Variants in CLCN1 observed in about 807,000 individuals in gnomAD.
The protein encoded by CLCN1 is chloride voltage-gated channel 1.
Under a neutral mutation model 114.5 loss-of-function variants are expected in CLCN1, and 100 were observed. The ratio of observed to expected loss-of-function variants is 0.87; its 90% CI spans 0.74 to 1.03. The LOEUF is 1.03. Ranked by LOEUF, CLCN1 falls within the 50% of genes least tolerant of loss-of-function variation. The pLI is 0.00. For missense variants in CLCN1, 1,188 were observed against 1,250.0 expected (o/e 0.95, Z 0.75); for synonymous variants, 485 against 487.1 (o/e 1.00, Z 0.06).
intron 7 of CLCN1, among the ~76,000 whole-genome samples, chr7:143,326,215 A>T (rs1406832836): frequency 8.0e-6 from 1 of 125,786 alleles, no homozygotes; most frequent in East Asian, 2.0e-4. Flanking sequence ...ACAGGGTTTA[A>T]CCATGTTGGC....
chr7:143,320,858 G>A (rs1802410768), intron 3 of CLCN1, 63 bp downstream of exon 3: 4 of 1,596,706 alleles, frequency 2.5e-6, no homozygotes, highest in African/African-American at 1.3e-5. Context: ...GGTAAGCAGG[G>A]TGTGTTATCG....
At chr7:143,320,934 C>T (rs1802413426) in intron 3 of CLCN1, 139 bp downstream of exon 3, 2 of 1,050,780 alleles carry the variant, frequency 1.9e-6, no homozygotes, top group Non-Finnish European at 2.9e-6. Context: ...TCAGGTGGGA[C>T]TCCAGGCCCA....
At chr7:143,341,396 T>C (rs1803069912) in intron 14 of CLCN1, among the ~76,000 whole-genome samples, 1 of 151,820 alleles carries the variant, frequency 6.6e-6, no homozygotes, top group South Asian at 2.1e-4. Flanking sequence ...CTGTTTCTAC[T>C]AAAAATACAA....
At chr7:143,340,102 T>C (rs1447911735) in intron 14 of CLCN1, among the ~76,000 whole-genome samples, 2 of 152,330 alleles carry the variant, frequency 1.3e-5, no homozygotes, top group Non-Finnish European at 2.9e-5. Flanking sequence ...AGCCCTAGTT[T>C]CTTTATTCTA....
chr7:143,339,413 A>T lies in CLCN1; in HGVS notation c.1471+91A>T. Reference sequence around the variant, plus strand: ...GAAAGGCCCGGGATGCTGGGAGTTTATATTTGTTCTTAATGCCCAAGGAGA... The same window carrying T: ...GAAAGGCCCGGGATGCTGGGAGTTTTTATTTGTTCTTAATGCCCAAGGAGA... On this transcript the variant is annotated intron_variant, in intron 13 of 22. Coordinates refer to ENST00000343257, the MANE Select transcript of CLCN1 (RefSeq NM_000083.3). The surrounding 1 kb of genome is among the most constrained non-coding windows in gnomAD (Gnocchi z 4.1). 1 of 1,381,700 alleles carries T rather than the reference A, an allele frequency of 7.2e-7. No individual in the cohort carries two copies. Among genetic ancestry groups the T allele is most frequent in the Non-Finnish European group, 1.0e-6 (1 of 968,238 alleles). The allele number at this position is 1,381,700 out of a possible 1,614,324, so 85.6% of individuals were successfully genotyped here.
chr7:143,346,068 C>A, intron 17 of CLCN1, 72 bp from the exon 18 acceptor site: 2 of 1,036,906 alleles, frequency 1.9e-6, no homozygotes, highest in Non-Finnish European at 3.1e-6. Context: ...AGAACATCCA[C>A]CAACTGGTAA....
chr7:143,317,579 C>CTT (rs201421922), intron 1 of CLCN1, among the ~76,000 whole-genome samples: 3 of 142,446 alleles, frequency 2.1e-5, no homozygotes, highest in South Asian at 2.2e-4. Context: ...TTTTTTCTTT[C>CTT]TTTTTTTTTT....
intron 7 of CLCN1, among the ~76,000 whole-genome samples, chr7:143,325,683 G>A (rs1465880065): frequency 6.6e-6 from 1 of 152,194 alleles, no homozygotes. Context: ...TAGACTGGGA[G>A]ACTTCTGTTG....
At chr7:143,329,181 T>A (rs1802657555) in intron 7 of CLCN1, among the ~76,000 whole-genome samples, 1 of 152,144 alleles carries the variant, frequency 6.6e-6, no homozygotes, top group Admixed American at 6.5e-5. Context: ...TTGGCCAGGC[T>A]GGCCTCGAAC....
chr7:143,326,987 C>A lies in CLCN1; in HGVS notation c.853+2495C>A, dbSNP rs139333815. ...CAGTGGCCAGGCACAGTGGCTCATG[C>A]CCATAATCCCAGCACTTTGGGAGGC... On this transcript the variant is annotated intron_variant, in intron 7 of 22. Coordinates refer to ENST00000343257, the MANE Select transcript of CLCN1 (RefSeq NM_000083.3). Among the ~76,000 whole-genome samples the A allele has an allele frequency of 5.8e-3, 883 of 152,186 alleles. 28 individuals carry two copies. The highest frequency in any genetic ancestry group is 2.0e-3 in the Non-Finnish European group (139 of 68,010).
rs1457895748 is a variant in CLCN1, at chr7:143,351,657, T to C, written c.2659T>C (p.Phe887Leu). 6.2e-7 allele frequency: 1 copy of C among 1,614,178 alleles called. No homozygotes were observed. ...GCAGCTCCGCCCTCCCCTTGCCAGC[T>C]TCCGGAACACGACTTCAACTCGAAA... ...GVQLRPPLAS[F>L]RNTTSTRKST... Residue 887 changes from phenylalanine to leucine, a missense_variant, in exon 23 of 23, where the codon TTC (phenylalanine) becomes CTC (leucine). Coordinates refer to ENST00000343257, the MANE Select transcript of CLCN1 (RefSeq NM_000083.3).
intron 12 of CLCN1, among the ~76,000 whole-genome samples, chr7:143,338,488 A>T (rs1802975139): frequency 6.6e-6 from 1 of 152,210 alleles, no homozygotes; most frequent in Admixed American, 6.5e-5. Context: ...TCTGACACTT[A>T]GAACTGGAGC....
At chr7:143,336,737 C>T (rs895357557) in intron 12 of CLCN1, among the ~76,000 whole-genome samples, 2 of 151,806 alleles carry the variant, frequency 1.3e-5, no homozygotes, top group Non-Finnish European at 2.9e-5. Flanking sequence ...TTTTCTTTCA[C>T]GTGCCAATAG....
At position 143,345,636 on chromosome 7, in the gene CLCN1, G is replaced by A; in HGVS notation, c.2046G>A (p.Ser682=). The A allele has an allele frequency of 6.4e-7, 1 of 1,563,996 alleles. No individual in the cohort carries two copies. Among genetic ancestry groups the A allele is most frequent in the South Asian group, 1.2e-5 (1 of 85,056 alleles). ...CCCAAGAGATGGCGCGGAAGTTGTC[G>A]GAGCTGCCTTACGACGGGAAGGCGC... ...RAAQEMARKL[S]ELPYDGKARL... Residue 682 remains serine, a synonymous_variant, in exon 17 of 23, where the codon TCG becomes TCA. Transcript: ENST00000343257.
chr7:143,344,454 A>G (rs1290674407), intron 16 of CLCN1, among the ~76,000 whole-genome samples: 1 of 152,218 alleles, frequency 6.6e-6, no homozygotes, highest in East Asian at 1.9e-4. Context: ...CTGATTTCCA[A>G]TAATCAGAAT....
chr7:143,332,389 T>C (rs1802748343), intron 10 of CLCN1, 30 bp from the exon 11 acceptor site: 2 of 1,561,864 alleles, frequency 1.3e-6, no homozygotes, highest in Non-Finnish European at 1.8e-6. Context: ...GTTGGCTGAA[T>C]TGTGGCGGTT....
At chr7:143,319,309 C>A (rs1179220499) in intron 1 of CLCN1, among the ~76,000 whole-genome samples, 1 of 152,180 alleles carries the variant, frequency 6.6e-6, no homozygotes, top group Non-Finnish European at 1.5e-5. Flanking sequence ...GACTGCCCTG[C>A]TAGTTAGCCC....
intron 9 of CLCN1, 117 bp downstream of exon 9, chr7:143,331,433 G>T: frequency 9.0e-7 from 1 of 1,113,604 alleles, no homozygotes; most frequent in East Asian, 2.4e-5. Context: ...ACATTGCTGG[G>T]GGGATGTGGG....
intron 14 of CLCN1, among the ~76,000 whole-genome samples, chr7:143,340,388 C>T (rs941622941): frequency 2.0e-5 from 3 of 152,150 alleles, no homozygotes; most frequent in African/African-American, 4.8e-5. Flanking sequence ...CTTGTATGCA[C>T]GTCCTGTGAT....
Sources: allele counts gnomAD v4.1 joint callset (sites outside exome capture counted in the v4.1 genomes callset), GRCh38; gene constraint gnomAD v4.1.1; non-coding constraint Gnocchi (gnomAD v3.1); transcripts MANE v1.5; gene names NCBI Gene and HGNC (gene_info 2026-07-23, HGNC 2026-07-21).